The following RIMBP2 variants were observed in gnomAD, a reference collection of about 807,000 sequenced individuals.
RIMBP2 encodes the protein RIMS-binding protein 2.
RIMBP2 carries 48 observed loss-of-function variants against 118.6 expected under a neutral mutation model. The ratio of observed to expected loss-of-function variants is 0.40; its 90% CI spans 0.32 to 0.51. RIMBP2 has a LOEUF of 0.51. Among genes scored for constraint, RIMBP2 ranks in the 20% least tolerant of loss-of-function variants. The pLI is 0.41. For missense variants in RIMBP2, 1,551 were observed against 1,768.3 expected (o/e 0.88, Z 2.20); for synonymous variants, 762 against 742.9 (o/e 1.03, Z -0.42).
intron 20 of RIMBP2, among the ~76,000 whole-genome samples, chr12:130,406,687 C>T (rs1408502080): frequency 2.6e-5 from 4 of 152,186 alleles, no homozygotes; most frequent in Non-Finnish European, 5.9e-5. Flanking sequence ...CACTGTGTTG[C>T]CCAGGCTGGA....
chr12:130,624,036 C>A (rs2061477758), intron 2 of RIMBP2, among the ~76,000 whole-genome samples: 1 of 152,328 alleles, frequency 6.6e-6, no homozygotes, highest in Admixed American at 6.5e-5. Context: ...GAATACTTAT[C>A]TTGGGCTTGC....
chr12:130,459,449 CT>C (rs1404147446), intron 6 of RIMBP2, among the ~76,000 whole-genome samples: 2 of 152,106 alleles, frequency 1.3e-5, no homozygotes, highest in East Asian at 1.9e-4. Flanking sequence ...GGAACTCCCC[CT>C]GCTGTCTTTG....
chr12:130,600,351 C>T (rs993495969), intron 2 of RIMBP2, among the ~76,000 whole-genome samples: 17 of 152,222 alleles, frequency 1.1e-4, no homozygotes, highest in African/African-American at 2.2e-4. Flanking sequence ...AACCCCTCCC[C>T]GACCAGAGAC....
chr12:130,598,410 G>A (rs1168171540), intron 2 of RIMBP2, among the ~76,000 whole-genome samples: 1 of 152,016 alleles, frequency 6.6e-6, no homozygotes, highest in African/African-American at 2.4e-5. Flanking sequence ...AAAATGCAAG[G>A]GATGTAAAAT....
At chr12:130,686,626 C>G (rs937131150) in intron 1 of RIMBP2, among the ~76,000 whole-genome samples, 1 of 152,258 alleles carries the variant, frequency 6.6e-6, no homozygotes, top group African/African-American at 2.4e-5. Context: ...GAAGCAAACG[C>G]TGGCACAGCC....
chr12:130,481,858 T>A (rs1175436152), intron 4 of RIMBP2, among the ~76,000 whole-genome samples: 1 of 152,024 alleles, frequency 6.6e-6, no homozygotes, highest in Non-Finnish European at 1.5e-5. Flanking sequence ...CCCGCTGGGC[T>A]GTCAGCCCAT....
At chr12:130,535,698 T>TAC in intron 2 of RIMBP2, among the ~76,000 whole-genome samples, 1 of 141,524 alleles carries the variant, frequency 7.1e-6, no homozygotes, top group African/African-American at 2.6e-5. Flanking sequence ...CATATACATA[T>TAC]ATATACACAT....
chr12:130,473,163 T>C (rs1040489911), intron 5 of RIMBP2, among the ~76,000 whole-genome samples: 3 of 152,274 alleles, frequency 2.0e-5, no homozygotes, highest in Non-Finnish European at 4.4e-5. Flanking sequence ...CAGTGCATTT[T>C]TGCAGGTGCA....
At chr12:130,642,301 T>TC (rs397713386) in intron 1 of RIMBP2, among the ~76,000 whole-genome samples, 1 of 151,536 alleles carries the variant, frequency 6.6e-6, no homozygotes, top group Non-Finnish European at 1.5e-5. Context: ...TGTGTTTTTT[T>TC]GAGATGGAGT....
At position 130,617,756 on chromosome 12, in the gene RIMBP2, C is replaced by G. The variant is rs544784749; in HGVS notation, c.-217+10566G>C. Among the ~76,000 whole-genome samples, 8 of 152,152 alleles carry G rather than the reference C, an allele frequency of 5.3e-5. No homozygotes were observed. Among genetic ancestry groups the G allele is most frequent in the African/African-American group, 1.2e-4 (5 of 41,434 alleles). ...CCCAGTTCTGAATTCACAGAATGCA[C>G]GCAAATTAGATTATTCTGGTAGAAC... On this transcript the variant is annotated intron_variant, in intron 2 of 22. Transcript: ENST00000690449. The surrounding 1 kb of genome is among the most constrained non-coding windows in gnomAD (Gnocchi z 4.6).
chr12:130,577,404 TCA>T (rs750596062), intron 2 of RIMBP2, among the ~76,000 whole-genome samples: 2 of 152,182 alleles, frequency 1.3e-5, no homozygotes, highest in Non-Finnish European at 2.9e-5. Context: ...TTTAAGGGAC[TCA>T]CAGTTCCACA....
intron 2 of RIMBP2, among the ~76,000 whole-genome samples, chr12:130,519,179 G>A (rs965949234): frequency 3.3e-5 from 5 of 152,238 alleles, no homozygotes; most frequent in African/African-American, 1.2e-4. Context: ...AATATTTCGA[G>A]TGCTCAGAGT....
intron 4 of RIMBP2, among the ~76,000 whole-genome samples, chr12:130,491,003 C>T (rs1218615032): frequency 6.6e-6 from 1 of 152,210 alleles, no homozygotes; most frequent in Non-Finnish European, 1.5e-5. Context: ...CACAGATCAC[C>T]ACCTACAAAT....
At chr12:130,543,572 T>C (rs2054807743) in intron 2 of RIMBP2, among the ~76,000 whole-genome samples, 1 of 152,090 alleles carries the variant, frequency 6.6e-6, no homozygotes, top group African/African-American at 2.4e-5. Context: ...AGATGAGCCC[T>C]ATAGATTGGG....
At chr12:130,548,813 C>T (rs1262874865) in intron 2 of RIMBP2, among the ~76,000 whole-genome samples, 1 of 151,770 alleles carries the variant, frequency 6.6e-6, no homozygotes, top group Non-Finnish European at 1.5e-5. Context: ...ACCCCATGGT[C>T]CCATGGGGTC....
chr12:130,437,981 T>C (rs77911166), intron 12 of RIMBP2, among the ~76,000 whole-genome samples: 2 of 152,348 alleles, frequency 1.3e-5, no homozygotes, highest in East Asian at 3.9e-4. Flanking sequence ...TGGTCACCTG[T>C]TCACGTGCAG....
chr12:130,470,673 A>G lies in RIMBP2; in HGVS notation c.153+20T>C. The G allele has an allele frequency of 8.1e-7, 1 of 1,229,908 alleles. No individual in the cohort carries two copies. The highest frequency in any genetic ancestry group is 1.0e-6 in the Non-Finnish European group (1 of 985,940). 76.2% of individuals were successfully genotyped at this position (1,229,908 alleles called of 1,614,324 possible). ...CAACGTCCCCCACCCCCGGGCAGAA[A>G]GCAGGGGCACGCTCCTTACCTCTAG... On this transcript the variant is annotated intron_variant, in intron 6 of 22. Transcript: ENST00000690449.
chr12:130,429,714 C>T (rs1439018384), intron 14 of RIMBP2: 1 of 152,148 alleles, frequency 6.6e-6, no homozygotes, highest in East Asian at 1.9e-4. Context: ...ACGGTCAGTT[C>T]CTGGCCTGCT....
chr12:130,657,064 T>C (rs1483899771), intron 1 of RIMBP2, among the ~76,000 whole-genome samples: 1 of 152,220 alleles, frequency 6.6e-6, no homozygotes, highest in African/African-American at 2.4e-5. Context: ...CTACTATTTT[T>C]TTACATTTTT....
Sources: allele counts gnomAD v4.1 joint callset (sites outside exome capture counted in the v4.1 genomes callset), GRCh38; gene constraint gnomAD v4.1.1; non-coding constraint Gnocchi (gnomAD v3.1); transcripts MANE v1.5; gene names NCBI Gene and HGNC (gene_info 2026-07-23, HGNC 2026-07-21).